The following LRFN2 variants were observed in gnomAD, a reference collection of about 807,000 sequenced individuals.
LRFN2 encodes leucine rich repeat and fibronectin type III domain containing 2, also known as leucine-rich repeat and fibronectin type-III domain-containing protein 2.
In LRFN2, 18 loss-of-function variants were observed where a neutral mutation model predicts 37.3. That is an observed-to-expected ratio of 0.48 (90% CI 0.33 to 0.72). The LOEUF is 0.72. Ranked by LOEUF, LRFN2 falls within the 30% of genes least tolerant of loss-of-function variation. The pLI is 0.02. For synonymous variants in LRFN2, 556 were observed against 466.6 expected (o/e 1.19, Z -2.47); for missense variants, 1,006 against 1,060.7 (o/e 0.95, Z 0.72).
At chr6:40,463,940 G>A (rs1473611370) in intron 1 of LRFN2, among the ~76,000 whole-genome samples, 1 of 152,106 alleles carries the variant, frequency 6.6e-6, no homozygotes, top group Non-Finnish European at 1.5e-5. Flanking sequence ...TTATCCATGT[G>A]TATTTGCTCA....
intron 1 of LRFN2, among the ~76,000 whole-genome samples, chr6:40,568,382 G>A (rs1767127310): frequency 6.6e-6 from 1 of 152,176 alleles, no homozygotes; most frequent in Non-Finnish European, 1.5e-5. Flanking sequence ...TGGAAATTGA[G>A]ACAGCAGCTT....
At chr6:40,459,831 G>A (rs989493944) in intron 1 of LRFN2, among the ~76,000 whole-genome samples, 1 of 152,150 alleles carries the variant, frequency 6.6e-6, no homozygotes, top group Non-Finnish European at 1.5e-5. Context: ...CTGGCTAGGG[G>A]CCTCATACAT....
chr6:40,570,811 T>C (rs1767174010), intron 1 of LRFN2, among the ~76,000 whole-genome samples: 1 of 152,208 alleles, frequency 6.6e-6, no homozygotes, highest in Non-Finnish European at 1.5e-5. Context: ...GAAAAGAACA[T>C]GATCTTTTCT....
intron 1 of LRFN2, among the ~76,000 whole-genome samples, chr6:40,503,999 G>C (rs1357447989): frequency 1.3e-5 from 2 of 152,122 alleles, no homozygotes; most frequent in Non-Finnish European, 2.9e-5. Flanking sequence ...GTTCATGCAG[G>C]GGTGGCGAGA....
At chr6:40,411,109 G>C (rs1296614782) in intron 2 of LRFN2, among the ~76,000 whole-genome samples, 4 of 152,184 alleles carry the variant, frequency 2.6e-5, no homozygotes, top group Non-Finnish European at 5.9e-5. Flanking sequence ...TATCTCATCT[G>C]TAATTTTCTG....
chr6:40,419,715 C>G (rs79320636), intron 2 of LRFN2, among the ~76,000 whole-genome samples: 1,635 of 152,186 alleles, frequency 0.011, 27 homozygotes, highest in African/African-American at 0.038. Context: ...AAAACAGCTA[C>G]CACCCCCTCA....
chr6:40,397,657 G>A (rs1490543567), intron 2 of LRFN2, among the ~76,000 whole-genome samples: 1 of 152,166 alleles, frequency 6.6e-6, no homozygotes, highest in East Asian at 1.9e-4. Flanking sequence ...AATCAGCCGG[G>A]CCCTGAATGG....
intron 1 of LRFN2, among the ~76,000 whole-genome samples, chr6:40,560,210 C>T (rs2113929121): frequency 6.6e-6 from 1 of 152,350 alleles, no homozygotes; most frequent in South Asian, 2.1e-4. Context: ...GGCGCTCTGA[C>T]TGAGCCCACA....
At chr6:40,447,517 A>G (rs1407874642) in intron 1 of LRFN2, among the ~76,000 whole-genome samples, 2 of 152,078 alleles carry the variant, frequency 1.3e-5, no homozygotes, top group African/African-American at 4.8e-5. Flanking sequence ...TTGTTCCCAA[A>G]CCTTTATTTT....
chr6:40,482,642 C>T (rs529426988), intron 1 of LRFN2, among the ~76,000 whole-genome samples: 5 of 152,342 alleles, frequency 3.3e-5, no homozygotes, highest in African/African-American at 7.2e-5. Flanking sequence ...TCTGCCAGCT[C>T]CTCTGAAGTC....
At position 40,488,813 on chromosome 6, in the gene LRFN2, T is replaced by C. The variant is rs148492625; in HGVS notation, c.-18-55682A>G. On this transcript the variant is annotated intron_variant, in intron 1 of 2. Transcript: ENST00000338305. ...CTCTGCCTCCTTGAGGGCAGGTGCA[T>C]TTCCCTATCCCTCAGGGTTTCAGGG... Among the ~76,000 whole-genome samples, 269 of 152,266 alleles carry C rather than the reference T, an allele frequency of 1.8e-3. 2 individuals are homozygous for C. Among genetic ancestry groups the C allele is most frequent in the African/African-American group, 5.8e-3 (241 of 41,548 alleles).
intron 1 of LRFN2, among the ~76,000 whole-genome samples, chr6:40,577,013 T>C (rs1173625806): frequency 6.6e-6 from 1 of 151,624 alleles, no homozygotes; most frequent in Non-Finnish European, 1.5e-5. Flanking sequence ...AAGCATTCCC[T>C]CCTCCAGTCT....
At chr6:40,453,214 G>T (rs1764154296) in intron 1 of LRFN2, among the ~76,000 whole-genome samples, 1 of 152,128 alleles carries the variant, frequency 6.6e-6, no homozygotes, top group Non-Finnish European at 1.5e-5. Context: ...CATTGATTAT[G>T]TCAATACGGT....
intron 1 of LRFN2, among the ~76,000 whole-genome samples, chr6:40,469,315 G>C (rs1764543587): frequency 6.6e-6 from 1 of 152,190 alleles, no homozygotes; most frequent in Admixed American, 6.5e-5. Flanking sequence ...GACTATAAGA[G>C]GACATATTTC....
chr6:40,411,137 G>A (rs1762956289), intron 2 of LRFN2, among the ~76,000 whole-genome samples: 1 of 152,286 alleles, frequency 6.6e-6, no homozygotes, highest in South Asian at 2.1e-4. Flanking sequence ...CTCCAGCACT[G>A]TTTATTGAGG....
At chr6:40,475,594 G>T (rs1312283991) in intron 1 of LRFN2, among the ~76,000 whole-genome samples, 1 of 152,190 alleles carries the variant, frequency 6.6e-6, no homozygotes, top group African/African-American at 2.4e-5. Context: ...GATGTACATG[G>T]AATGGGGATG....
At chr6:40,436,546 G>A (rs1426996494) in intron 1 of LRFN2, among the ~76,000 whole-genome samples, 2 of 149,226 alleles carry the variant, frequency 1.3e-5, no homozygotes, top group South Asian at 2.1e-4. Flanking sequence ...CTTGGCCAAA[G>A]TGCCGAGTTC....
In LRFN2 at chr6:40,392,003, G is replaced by A. The variant is rs969599220; in HGVS notation, c.2310C>T (p.Asp770=). The change falls in exon 3 of 3, where the codon GAC becomes GAT. Residue 770 remains aspartate (D), a synonymous_variant. Transcript: ENST00000338305. This position sits in a 1 kb window ranked among gnomAD's most constrained non-coding sequence, Gnocchi z 4.7. ...NGMLLPFEES[D]LVGARGTFGS... ...CAAAAGTCCCCCGGGCCCCCACCAG[G>A]TCACTCTCCTCAAAGGGCAAGAGCA... 6 of 1,609,430 alleles carry A rather than the reference G, an allele frequency of 3.7e-6. No homozygotes were observed. The highest frequency in any genetic ancestry group is 5.1e-6 in the Non-Finnish European group (6 of 1,177,822).
chr6:40,527,815 T>C (rs1031046332), intron 1 of LRFN2, among the ~76,000 whole-genome samples: 36 of 152,310 alleles, frequency 2.4e-4, no homozygotes, highest in Admixed American at 1.1e-3. Flanking sequence ...GTGCTTATGT[T>C]CTAAATTTGG....
Sources: gnomAD v4.1 joint callset for allele counts (sites outside exome capture counted in the v4.1 genomes callset) on GRCh38, gnomAD v4.1.1 for gene constraint, Gnocchi (gnomAD v3.1) non-coding constraint, MANE v1.5 for transcripts, NCBI Gene and HGNC (gene_info 2026-07-23, HGNC 2026-07-21) for gene names.